RILPL1: variants seen among roughly 807,000 people sequenced by gnomAD.
RILPL1 encodes Rab interacting lysosomal protein like 1.
Under a neutral mutation model 50.3 loss-of-function variants are expected in RILPL1, and 33 were observed. The ratio of observed to expected loss-of-function variants is 0.66; its 90% CI spans 0.50 to 0.88. The LOEUF is 0.88. Among genes scored for constraint, RILPL1 ranks in the 40% least tolerant of loss-of-function variants. RILPL1 has a pLI of 0.00. For missense variants in RILPL1, 418 were observed against 542.5 expected (o/e 0.77, Z 2.28); for synonymous variants, 205 against 228.6 (o/e 0.90, Z 0.93).
intron 2 of RILPL1, among the ~76,000 whole-genome samples, chr12:123,521,597 T>C (rs373298667): frequency 2.1e-4 from 1 of 4,688 alleles, no homozygotes; most frequent in Non-Finnish European, 6.7e-4. Context: ...ATATATATAT[T>C]AATATATATA....
chr12:123,485,713 C>T lies in RILPL1; in HGVS notation c.894G>A (p.Glu298=), dbSNP rs1383181437. The change falls in exon 5 of 7, where the codon GAG becomes GAA. Residue 298 remains glutamate, a synonymous_variant. Coordinates refer to ENST00000376874, the MANE Select transcript of RILPL1 (RefSeq NM_178314.5). The surrounding 1 kb of genome is among the most constrained non-coding windows in gnomAD (Gnocchi z 4.0). Reference sequence around the variant, plus strand: ...TCCTCTCGTGCAGCACGTCCCGCAGCTCCTGCAGGGTGAACCGGGGGCGGT... The same window carrying T: ...TCCTCTCGTGCAGCACGTCCCGCAGTTCCTGCAGGGTGAACCGGGGGCGGT... ...DPNRPRFTLQ[E]LRDVLHERNE... is the part of the protein sequence containing the mutation. 1.9e-6 allele frequency: 3 copies of T among 1,613,618 alleles called. No individual in the cohort carries two copies. Among genetic ancestry groups the T allele is most frequent in the Non-Finnish European group, 2.5e-6 (3 of 1,179,726 alleles).
At chr12:123,521,907 G>A (rs1885081835) in intron 2 of RILPL1, among the ~76,000 whole-genome samples, 1 of 151,564 alleles carries the variant, frequency 6.6e-6, no homozygotes, top group South Asian at 2.1e-4. Context: ...TGAGTAGCTG[G>A]GACTCTACAG....
chr12:123,513,430 C>A, intron 2 of RILPL1: 1 of 298,082 alleles, frequency 3.4e-6, no homozygotes. Flanking sequence ...GAGAGAGGGG[C>A]GGCTGGGTCT....
intron 4 of RILPL1, among the ~76,000 whole-genome samples, chr12:123,493,932 C>G (rs1021296360): frequency 2.6e-5 from 4 of 152,002 alleles, no homozygotes; most frequent in African/African-American, 7.3e-5. Flanking sequence ...TTACAGGCAC[C>G]CACCACCACG....
At chr12:123,530,686 G>GT (rs1474768163) in intron 1 of RILPL1, among the ~76,000 whole-genome samples, 1 of 152,220 alleles carries the variant, frequency 6.6e-6, no homozygotes, top group Non-Finnish European at 1.5e-5. Context: ...ACACGCGAGT[G>GT]TATCAGCCCA....
chr12:123,483,033 A>G (rs1198201762), intron 6 of RILPL1, among the ~76,000 whole-genome samples: 1 of 151,548 alleles, frequency 6.6e-6, no homozygotes, highest in Non-Finnish European at 1.5e-5. Context: ...GTTGGGGTAT[A>G]TGGGTAACAC....
At position 123,489,091 on chromosome 12, in the gene RILPL1, C is replaced by G. The variant is rs1328736714; in HGVS notation, c.802-3286G>C. ...GCGCCAGTTCTCCTCTTTCCCTGGC[C>G]CAGCTTCACCAAGGAGCAACCCTGG... On this transcript the variant is annotated intron_variant, in intron 4 of 6. Coordinates refer to ENST00000376874, the MANE Select transcript of RILPL1 (RefSeq NM_178314.5). The surrounding 1 kb of genome is among the most constrained non-coding windows in gnomAD (Gnocchi z 4.0). Among the ~76,000 whole-genome samples, 1 of 152,146 alleles carries G rather than the reference C, an allele frequency of 6.6e-6. No homozygotes were observed. The highest frequency in any genetic ancestry group is 1.5e-5 in the Non-Finnish European group (1 of 68,026).
At chr12:123,509,754 C>T (rs1247103713) in intron 2 of RILPL1, among the ~76,000 whole-genome samples, 1 of 152,186 alleles carries the variant, frequency 6.6e-6, no homozygotes, top group Admixed American at 6.5e-5. Flanking sequence ...GAAAGGGGTC[C>T]AGCGCCCTGC....
intron 6 of RILPL1, among the ~76,000 whole-genome samples, chr12:123,481,775 T>G (rs1882020377): frequency 1.3e-5 from 2 of 152,006 alleles, no homozygotes; most frequent in African/African-American, 4.8e-5. Context: ...CAGGCTGGTC[T>G]CAAACTCCCG....
chr12:123,499,223 C>T (rs965775050), intron 3 of RILPL1, among the ~76,000 whole-genome samples, 195 bp downstream of exon 3: 4 of 152,150 alleles, frequency 2.6e-5, no homozygotes, highest in African/African-American at 7.2e-5. Flanking sequence ...GGCAGTGCCA[C>T]GTTTCCTCCT....
At position 123,485,899 on chromosome 12, in the gene RILPL1, G is replaced by C. The variant is rs1882302255; in HGVS notation, c.802-94C>G. On this transcript the variant is annotated intron_variant, in intron 4 of 6. Transcript: ENST00000376874. This position sits in a 1 kb window ranked among gnomAD's most constrained non-coding sequence, Gnocchi z 4.0. ...AGGAGCCCAAATTCTCCCCCTCCCG[G>C]GGTGCCAGCAGCCTGTGGAGGGTGC... 1 of 1,320,452 alleles carries C rather than the reference G, an allele frequency of 7.6e-7. No homozygotes were observed. Among genetic ancestry groups the C allele is most frequent in the Non-Finnish European group, 1.0e-6 (1 of 990,324 alleles). The allele number at this position is 1,320,452 out of a possible 1,614,324, so 81.8% of individuals were successfully genotyped here. A position where few individuals can be genotyped will look rare whatever the true frequency, so the allele number is the denominator to read the frequency against.
intron 2 of RILPL1, among the ~76,000 whole-genome samples, chr12:123,500,727 G>A (rs1391496236): frequency 1.3e-5 from 2 of 152,116 alleles, no homozygotes; most frequent in Non-Finnish European, 2.9e-5. Flanking sequence ...TATAAAGTAG[G>A]GTGATAACAG....
At chr12:123,477,077 C>T (rs925123697) in intron 6 of RILPL1, among the ~76,000 whole-genome samples, 1 of 152,182 alleles carries the variant, frequency 6.6e-6, no homozygotes, top group African/African-American at 2.4e-5. Context: ...GCTGCAGAAT[C>T]ATCAGATATT....
At chr12:123,518,837 T>A (rs1884857312) in intron 2 of RILPL1, among the ~76,000 whole-genome samples, 1 of 151,854 alleles carries the variant, frequency 6.6e-6, no homozygotes, top group South Asian at 2.1e-4. Context: ...GGCAGGCGGA[T>A]CATGAGGTCA....
At chr12:123,513,059 G>C (rs1040690046) in intron 2 of RILPL1, among the ~76,000 whole-genome samples, 1 of 146,938 alleles carries the variant, frequency 6.8e-6, no homozygotes, top group African/African-American at 2.6e-5. Context: ...TTGTGTGTGA[G>C]GTCTGCGTGT....
At chr12:123,524,478 G>A (rs147735831) in intron 1 of RILPL1, among the ~76,000 whole-genome samples, 3 of 152,116 alleles carry the variant, frequency 2.0e-5, no homozygotes, top group Non-Finnish European at 4.4e-5. Context: ...ATGAAAACGC[G>A]TGCAGGTGAA....
intron 2 of RILPL1, among the ~76,000 whole-genome samples, chr12:123,517,557 G>A (rs1261129566): frequency 4.6e-5 from 7 of 151,890 alleles, no homozygotes. Context: ...GAGTAGCTGG[G>A]ATTACAGGTG....
Position 123,485,737 on chromosome 12 carries a change from G to C in RILPL1, c.870C>G (p.Asn290Lys), listed in dbSNP as rs761878404. ...EKVAMDLKDP[N>K]RPRFTLQELR... Reference sequence around the variant, plus strand: ...GCTCCTGCAGGGTGAACCGGGGGCGGTTGGGGTCCTTGAGATCCATGGCCA... The same window carrying C: ...GCTCCTGCAGGGTGAACCGGGGGCGCTTGGGGTCCTTGAGATCCATGGCCA... The change falls in exon 5 of 7, where the codon AAC (asparagine) becomes AAG (lysine). Residue 290 changes from asparagine to lysine, a missense_variant. Asn to Lys is a moderately conservative substitution (Grantham distance 94). Coordinates refer to ENST00000376874, the MANE Select transcript of RILPL1 (RefSeq NM_178314.5). The surrounding 1 kb of genome is among the most constrained non-coding windows in gnomAD (Gnocchi z 4.0). 1 of 1,613,060 alleles carries C rather than the reference G, an allele frequency of 6.2e-7. No individual in the cohort carries two copies. The highest frequency in any genetic ancestry group is 1.1e-5 in the South Asian group (1 of 91,006).
chr12:123,527,650 G>C (rs28430750), intron 1 of RILPL1, among the ~76,000 whole-genome samples: 84,413 of 151,812 alleles, frequency 0.56, 25,454 homozygotes, highest in East Asian at 0.9. Flanking sequence ...GTGACAGACT[G>C]AAACTGTGTC....
Sources: allele counts gnomAD v4.1 joint callset (sites outside exome capture counted in the v4.1 genomes callset), GRCh38; gene constraint gnomAD v4.1.1; non-coding constraint Gnocchi (gnomAD v3.1); transcripts MANE v1.5; gene names NCBI Gene and HGNC (gene_info 2026-07-23, HGNC 2026-07-21).